Variants in KCNAB1 observed in about 807,000 individuals in gnomAD.
KCNAB1 encodes potassium voltage-gated channel subfamily A regulatory beta subunit 1.
KCNAB1 carries 35 observed loss-of-function variants against 64.6 expected under a neutral mutation model. The ratio of observed to expected loss-of-function variants is 0.54; its 90% CI spans 0.41 to 0.72. The LOEUF (loss-of-function observed/expected upper bound fraction) is 0.72. KCNAB1 is among the 30% of genes least tolerant of loss of function. The probability of loss-of-function intolerance (pLI) is 0.00; values close to 1 mark genes in which losing one functional copy is unlikely to be tolerated. For missense variants in KCNAB1, 401 were observed against 512.9 expected, an observed-to-expected ratio of 0.78 and a Z score of 2.11; for synonymous variants, 177 against 183.8, an observed-to-expected ratio of 0.96 and a Z score of 0.30.
intron 1 of KCNAB1, among the ~76,000 whole-genome samples, chr3:156,183,014 A>G (rs2108349339): frequency 6.6e-6 from 1 of 152,178 alleles, no homozygotes; most frequent in East Asian, 1.9e-4. Context: ...TTCATTCTTA[A>G]GAAGAATTTT....
chr3:156,529,253 A>G (rs1718528753), intron 12 of KCNAB1, among the ~76,000 whole-genome samples: 1 of 152,238 alleles, frequency 6.6e-6, no homozygotes, highest in Non-Finnish European at 1.5e-5. Context: ...CTATTGTATG[A>G]TTCCATTTAG....
At chr3:156,446,001 T>C (rs1191334219) in intron 2 of KCNAB1, 1 of 152,182 alleles carries the variant, frequency 6.6e-6, no homozygotes, top group Non-Finnish European at 1.5e-5. Context: ...CCTAAAAAAT[T>C]CTAATGATGT....
chr3:156,141,367 C>T lies in KCNAB1; in HGVS notation c.275+20481C>T, dbSNP rs372955917. 3.2e-3 allele frequency among the ~76,000 whole-genome samples: 494 copies of T among 152,260 alleles called. 30 individuals are homozygous for T. The South Asian group carries it at 0.088, about 27-fold the overall frequency. On this transcript the variant is annotated intron_variant, in intron 1 of 13. Coordinates refer to ENST00000490337, the MANE Select transcript of KCNAB1 (RefSeq NM_172160.3). ...GACACAACAGTTCCATTATAAGAAT[C>T]CCACCTCTACACTTTTATAGCCATA... is the stretch of plus-strand genomic sequence containing the variant.
chr3:156,154,520 G>A lies in KCNAB1; in HGVS notation c.275+33634G>A, dbSNP rs79379249. Among the ~76,000 whole-genome samples the A allele has an allele frequency of 2.6e-3, 392 of 152,236 alleles. 1 individual carries two copies. The highest frequency in any genetic ancestry group is 9.1e-3 in the African/African-American group (380 of 41,532). ...AGCTGACTCGTCCTCCTAGATAAAT[G>A]CGCCAGAGGATTTTCTGTCTATTCA... On this transcript the variant is annotated intron_variant, in intron 1 of 13. Transcript: ENST00000490337.
chr3:156,481,886 C>G (rs1211655352), intron 8 of KCNAB1, among the ~76,000 whole-genome samples: 3 of 152,144 alleles, frequency 2.0e-5, no homozygotes, highest in African/African-American at 7.2e-5. Context: ...GCACCTCACT[C>G]ACAGCTGGGG....
intron 1 of KCNAB1, among the ~76,000 whole-genome samples, chr3:156,141,874 C>T (rs1279474537): frequency 6.6e-6 from 1 of 152,168 alleles, no homozygotes; most frequent in African/African-American, 2.4e-5. Context: ...AACATTCCTA[C>T]CAGCAATTTA....
intron 1 of KCNAB1, among the ~76,000 whole-genome samples, chr3:156,414,964 C>T (rs150191811): frequency 1.3e-5 from 2 of 152,318 alleles, no homozygotes; most frequent in African/African-American, 4.8e-5. Context: ...TATCATTTCT[C>T]CAAAGTGCCA....
intron 1 of KCNAB1, among the ~76,000 whole-genome samples, chr3:156,324,852 G>T (rs1361029249): frequency 6.6e-6 from 1 of 152,128 alleles, no homozygotes; most frequent in Non-Finnish European, 1.5e-5. Context: ...TCCAGTTCTT[G>T]AGAGTGTGAG....
chr3:156,273,242 C>T (rs143820777), intron 1 of KCNAB1, among the ~76,000 whole-genome samples: 122 of 152,280 alleles, frequency 8.0e-4, no homozygotes, highest in African/African-American at 2.6e-3. Flanking sequence ...TTAGGTTACA[C>T]GCCCTCCAAA....
intron 1 of KCNAB1, among the ~76,000 whole-genome samples, chr3:156,278,364 A>C (rs1262519144): frequency 1.3e-5 from 2 of 152,148 alleles, no homozygotes; most frequent in African/African-American, 4.8e-5. Flanking sequence ...GTAGTTTTCA[A>C]GGGTGAAGAT....
Position 156,122,585 on chromosome 3 carries a change from A to G in KCNAB1, c.275+1699A>G, listed in dbSNP as rs572047637. Among the ~76,000 whole-genome samples, 22 of 152,356 alleles carry G rather than the reference A, an allele frequency of 1.4e-4. No individual in the cohort carries two copies. In the East Asian group the frequency reaches 4.2e-3, roughly 29 times the overall value. On this transcript the variant is annotated intron_variant, in intron 1 of 13. Coordinates refer to ENST00000490337, the MANE Select transcript of KCNAB1 (RefSeq NM_172160.3). ...GTAATCAGAAAAGACTAGATTAGACATGATCCAGAATTAATGTCTCCTGTG... is the reference window on the plus strand; with the variant it reads ...GTAATCAGAAAAGACTAGATTAGACGTGATCCAGAATTAATGTCTCCTGTG...
intron 1 of KCNAB1, among the ~76,000 whole-genome samples, chr3:156,236,848 A>T (rs890234274): frequency 2.6e-5 from 4 of 152,196 alleles, no homozygotes; most frequent in East Asian, 3.9e-4. Context: ...CTAAGGCTGT[A>T]GGATTCTAGC....
intron 1 of KCNAB1, among the ~76,000 whole-genome samples, chr3:156,202,703 T>G (rs1033611715): frequency 6.6e-6 from 1 of 152,200 alleles, no homozygotes; most frequent in Non-Finnish European, 1.5e-5. Context: ...TGGTCATAGA[T>G]ATTGTCTGTC....
chr3:156,504,918 C>T lies in KCNAB1; in HGVS notation c.659-9446C>T, dbSNP rs1716730049. ...AGAAGCTTTTAGTTTAATATAATTCCATTTGTCTGTTTTTGTTTTTGTTGC... is the reference window on the plus strand; with the variant it reads ...AGAAGCTTTTAGTTTAATATAATTCTATTTGTCTGTTTTTGTTTTTGTTGC... On this transcript the variant is annotated intron_variant, in intron 8 of 13. Transcript: ENST00000490337. Among the ~76,000 whole-genome samples, 4 of 151,764 alleles carry T rather than the reference C, an allele frequency of 2.6e-5. No individual in the cohort carries two copies. The South Asian group carries it at 8.3e-4, about 31-fold the overall frequency.
intron 3 of KCNAB1, among the ~76,000 whole-genome samples, chr3:156,455,024 T>C (rs1336275082): frequency 2.0e-5 from 3 of 152,072 alleles, no homozygotes; most frequent in Non-Finnish European, 4.4e-5. Flanking sequence ...ACCAGGAAAA[T>C]AGCTATTGTA....
At chr3:156,258,302 A>T (rs1381911355) in intron 1 of KCNAB1, among the ~76,000 whole-genome samples, 1 of 152,234 alleles carries the variant, frequency 6.6e-6, no homozygotes, top group Admixed American at 6.5e-5. Context: ...GGCCAAAAGA[A>T]CAGACTGGGT....
intron 1 of KCNAB1, among the ~76,000 whole-genome samples, chr3:156,137,425 A>G (rs963013716): frequency 6.6e-6 from 1 of 152,152 alleles, no homozygotes; most frequent in Non-Finnish European, 1.5e-5. Flanking sequence ...CTATCCTACC[A>G]GGACTGTTGT....
intron 1 of KCNAB1, among the ~76,000 whole-genome samples, chr3:156,262,392 A>G (rs986933305): frequency 5.9e-5 from 9 of 151,888 alleles, no homozygotes; most frequent in African/African-American, 1.9e-4. Context: ...GGAAAGTTTT[A>G]TCATGAATAG....
chr3:156,146,501 C>T (rs996265815), intron 1 of KCNAB1, among the ~76,000 whole-genome samples: 4 of 152,084 alleles, frequency 2.6e-5, no homozygotes, highest in Non-Finnish European at 5.9e-5. Flanking sequence ...GTAGCAAATA[C>T]CTAGCTTTGA....
Sources: gnomAD v4.1 joint callset for allele counts (sites outside exome capture counted in the v4.1 genomes callset) on GRCh38, gnomAD v4.1.1 for gene constraint, MANE v1.5 for transcripts, NCBI Gene and HGNC (gene_info 2026-07-23, HGNC 2026-07-21) for gene names.